The following SPATA31H1 variants were observed in gnomAD, a reference collection of about 807,000 sequenced individuals.
SPATA31H1 encodes spermatogenesis-associated protein 31H1.
chr2:27,573,340 A>G, the SPATA31H1 span: 1 of 398,138 alleles, frequency 2.5e-6, no homozygotes, highest in African/African-American at 2.1e-5. Flanking sequence ...GGAAGTGTGA[A>G]CTCTGTGCAG....
At chr2:27,543,498 T>G in the SPATA31H1 span, among the ~76,000 whole-genome samples, 1 of 150,750 alleles carries the variant, frequency 6.6e-6, no homozygotes, top group Non-Finnish European at 1.5e-5. Flanking sequence ...GCTTTTTTTT[T>G]GTCTATATCA....
chr2:27,575,525 AC>A, the SPATA31H1 span: 11 of 398,390 alleles, frequency 2.8e-5, no homozygotes, highest in Non-Finnish European at 4.9e-5. This position sits in a 1 kb window ranked among gnomAD's most constrained non-coding sequence, Gnocchi z 4.1. Flanking sequence ...TCAACCCTGG[AC>A]CACAGTTGCA....
the SPATA31H1 span, among the ~76,000 whole-genome samples, chr2:27,544,740 G>A: frequency 2.0e-5 from 3 of 151,620 alleles, no homozygotes; most frequent in Non-Finnish European, 2.9e-5. Context: ...TCACCATGTT[G>A]GCCAGGCTGG....
the SPATA31H1 span, among the ~76,000 whole-genome samples, chr2:27,548,157 A>G: frequency 6.6e-6 from 1 of 151,300 alleles, no homozygotes; most frequent in Non-Finnish European, 1.5e-5. Context: ...AATTTTTTGT[A>G]TTTTTAGTAG....
At chr2:27,582,691 T>C in the SPATA31H1 span, 2 of 665,856 alleles carry the variant, frequency 3.0e-6, no homozygotes, top group Admixed American at 5.9e-5. Context: ...GGTCTGTAAT[T>C]TCTCTAAGAT....
chr2:27,575,577 C>T, the SPATA31H1 span: 1 of 398,522 alleles, frequency 2.5e-6, no homozygotes, highest in Non-Finnish European at 4.4e-6. This position sits in a 1 kb window ranked among gnomAD's most constrained non-coding sequence, Gnocchi z 4.1. Context: ...GCCTGAGCTT[C>T]AAGGTATAAA....
the SPATA31H1 span, chr2:27,575,969 G>A: frequency 2.5e-6 from 1 of 398,412 alleles, no homozygotes; most frequent in African/African-American, 2.1e-5. This position sits in a 1 kb window ranked among gnomAD's most constrained non-coding sequence, Gnocchi z 4.1. Flanking sequence ...CACCTATGAT[G>A]TTCAACCCTA....
At chr2:27,581,005 T>C in the SPATA31H1 span, 1 of 1,614,122 alleles carries the variant, frequency 6.2e-7, no homozygotes, top group Non-Finnish European at 8.5e-7. Flanking sequence ...CTGAGAACTG[T>C]TCAAAAGGAC....
At chr2:27,581,026 G>C in the SPATA31H1 span, 1 of 1,614,150 alleles carries the variant, frequency 6.2e-7, no homozygotes, top group Non-Finnish European at 8.5e-7. Context: ...AGTAGTAGCA[G>C]ATCAAAGAAA....
chr2:27,550,522 G>A, the SPATA31H1 span, among the ~76,000 whole-genome samples: 2 of 149,654 alleles, frequency 1.3e-5, no homozygotes, highest in Non-Finnish European at 3.0e-5. Flanking sequence ...GGGTTCAAGC[G>A]ATTCTTGTGC....
the SPATA31H1 span, chr2:27,579,959 A>T: frequency 6.2e-7 from 1 of 1,614,130 alleles, no homozygotes; most frequent in Non-Finnish European, 8.5e-7. Flanking sequence ...GATGTTCAGG[A>T]CTTAATTGCC....
the SPATA31H1 span, chr2:27,569,947 C>A: frequency 7.5e-6 from 3 of 398,828 alleles, no homozygotes; most frequent in Middle Eastern, 6.3e-4. Flanking sequence ...GGTGTGAAAT[C>A]TGATGAATTG....
chr2:27,557,044 A>G, the SPATA31H1 span, among the ~76,000 whole-genome samples: 1 of 13,716 alleles, frequency 7.3e-5, no homozygotes, highest in Non-Finnish European at 1.6e-4. Context: ...GTCACAGATC[A>G]ACAGGATCCC....
At chr2:27,555,193 G>T in the SPATA31H1 span, among the ~76,000 whole-genome samples, 1 of 151,828 alleles carries the variant, frequency 6.6e-6, no homozygotes, top group Non-Finnish European at 1.5e-5. Flanking sequence ...ATATTACAGT[G>T]ATTTATTTTC....
chr2:27,572,846 G>A, the SPATA31H1 span: 20 of 398,014 alleles, frequency 5.0e-5, 2 homozygotes, highest in South Asian at 2.4e-3. Context: ...CATCTATGGA[G>A]TTTAACCTTG....
At chr2:27,538,240 G>A in the SPATA31H1 span, among the ~76,000 whole-genome samples, 2 of 151,232 alleles carry the variant, frequency 1.3e-5, no homozygotes, top group African/African-American at 4.9e-5. Context: ...AGATAAAAAT[G>A]TGCTTAGATC....
chr2:27,540,578 C>T, the SPATA31H1 span, among the ~76,000 whole-genome samples: 1 of 142,866 alleles, frequency 7.0e-6, no homozygotes, highest in Non-Finnish European at 1.5e-5. Flanking sequence ...CGGAGACGCT[C>T]CTCACTTCCC....
At chr2:27,553,966 G>A in the SPATA31H1 span, among the ~76,000 whole-genome samples, 4 of 151,856 alleles carry the variant, frequency 2.6e-5, no homozygotes, top group Non-Finnish European at 5.9e-5. Context: ...ATCCAGTTTC[G>A]TGACTCACAA....
chr2:27,578,518 T>A, the SPATA31H1 span: 1 of 1,614,056 alleles, frequency 6.2e-7, no homozygotes, highest in Non-Finnish European at 8.5e-7. Flanking sequence ...CCTGCAGAAT[T>A]AACTCCAAGT....
Sources: allele counts gnomAD v4.1 joint callset (sites outside exome capture counted in the v4.1 genomes callset), GRCh38; gene constraint gnomAD v4.1.1; non-coding constraint Gnocchi (gnomAD v3.1); transcripts MANE v1.5; gene names NCBI Gene and HGNC (gene_info 2026-07-23, HGNC 2026-07-21).